SLIT3: variants seen among roughly 807,000 people sequenced by gnomAD.
SLIT3 encodes the protein slit homolog 3 protein.
A neutral mutation model predicts 184.0 loss-of-function variants in SLIT3; 68 were observed. That is an observed-to-expected ratio of 0.37 (90% CI 0.30 to 0.45). SLIT3 has a LOEUF of 0.45. SLIT3 is among the 20% of genes least tolerant of loss of function. The pLI is 1.00. For synonymous variants in SLIT3, 831 were observed against 828.6 expected (o/e 1.00, Z -0.05); for missense variants, 1,707 against 2,026.0 (o/e 0.84, Z 3.02).
At chr5:168,792,559 G>A (rs1756414815) in intron 10 of SLIT3, among the ~76,000 whole-genome samples, 1 of 152,174 alleles carries the variant, frequency 6.6e-6, no homozygotes, top group Non-Finnish European at 1.5e-5. Context: ...GCAAATTCAA[G>A]TGCCTACAAA....
chr5:169,117,936 T>C (rs1165762045), intron 4 of SLIT3, among the ~76,000 whole-genome samples: 1 of 152,210 alleles, frequency 6.6e-6, no homozygotes, highest in East Asian at 1.9e-4. Context: ...GACGCTCTCA[T>C]ACAGGCCCAG....
At chr5:169,125,106 G>C (rs1761032013) in intron 4 of SLIT3, among the ~76,000 whole-genome samples, 1 of 152,028 alleles carries the variant, frequency 6.6e-6, no homozygotes, top group Admixed American at 6.5e-5. Flanking sequence ...ACAGTGCAGT[G>C]GCGCAATCTC....
chr5:168,949,073 G>A (rs1167059216), intron 4 of SLIT3, among the ~76,000 whole-genome samples: 1 of 152,200 alleles, frequency 6.6e-6, no homozygotes, highest in Non-Finnish European at 1.5e-5. Context: ...TGGGGCATAT[G>A]AGCATCTGTA....
chr5:168,967,031 GA>G (rs929524565), intron 4 of SLIT3, among the ~76,000 whole-genome samples: 1 of 152,134 alleles, frequency 6.6e-6, no homozygotes, highest in African/African-American at 2.4e-5. Context: ...TTGGATGATG[GA>G]AAAAATTGAA....
chr5:169,235,980 C>T (rs949009823), intron 3 of SLIT3, among the ~76,000 whole-genome samples: 16 of 152,152 alleles, frequency 1.1e-4, no homozygotes, highest in Admixed American at 1.3e-4. Flanking sequence ...AGAACTCTTT[C>T]GAAGGAAGTG....
intron 5 of SLIT3, among the ~76,000 whole-genome samples, chr5:168,845,330 A>G (rs138779706): frequency 5.3e-5 from 8 of 152,266 alleles, no homozygotes; most frequent in African/African-American, 1.7e-4. Context: ...TTTCTGACTA[A>G]ATACAGATTC....
At chr5:169,181,944 C>T (rs532603566) in intron 4 of SLIT3, among the ~76,000 whole-genome samples, 2 of 152,074 alleles carry the variant, frequency 1.3e-5, no homozygotes, top group Non-Finnish European at 2.9e-5. Context: ...TCTGGAGAAA[C>T]GTTGGCATGA....
In SLIT3 at chr5:169,244,761, G is replaced by T. The variant is rs1309417620; in HGVS notation, c.285C>A (p.Asn95Lys). Residue 95 changes from asparagine (N) to lysine (K), a missense_variant, in exon 3 of 36, where the codon AAC (asparagine) becomes AAA (lysine). Asn to Lys is a moderately conservative substitution (Grantham distance 94). Around this residue, in one of 3 missense-constraint regions of SLIT3, gnomAD observed 1,307 missense variants for 1,511.6 expected, o/e 0.86. Coordinates refer to ENST00000519560, the MANE Select transcript of SLIT3 (RefSeq NM_003062.4). ...CGCCTCTCTCGATGACGCTGACCTG[G>T]TTGTCTTCCAGATGCCTACAACCAC... ...KNLRVLHLED[N>K]QVSVIERGAF... The T allele has an allele frequency of 6.2e-7, 1 of 1,613,822 alleles. No homozygotes were observed. Among genetic ancestry groups the T allele is most frequent in the Admixed American group, 1.7e-5 (1 of 60,014 alleles).
chr5:168,988,255 A>T (rs1402417878), intron 4 of SLIT3, among the ~76,000 whole-genome samples: 1 of 152,226 alleles, frequency 6.6e-6, no homozygotes, highest in East Asian at 1.9e-4. Context: ...GCTCTAGGGC[A>T]TCTCTGCTAC....
At chr5:169,000,772 A>C (rs1755677424) in intron 4 of SLIT3, among the ~76,000 whole-genome samples, 1 of 152,240 alleles carries the variant, frequency 6.6e-6, no homozygotes, top group South Asian at 2.1e-4. Flanking sequence ...CTGAGCATAC[A>C]GTAAGCATCT....
chr5:169,040,879 G>A (rs1384653889), intron 4 of SLIT3, among the ~76,000 whole-genome samples: 1 of 152,200 alleles, frequency 6.6e-6, no homozygotes, highest in East Asian at 1.9e-4. Flanking sequence ...ATCTTTCTTA[G>A]AGCTGGCTCA....
chr5:168,788,766 C>A (rs1254716424), intron 11 of SLIT3, among the ~76,000 whole-genome samples: 2 of 151,782 alleles, frequency 1.3e-5, no homozygotes, highest in Non-Finnish European at 2.9e-5. Flanking sequence ...GTGGTGAGGA[C>A]TAAACTTGAC....
chr5:169,235,345 T>G (rs1239272158), intron 3 of SLIT3, among the ~76,000 whole-genome samples: 1 of 152,194 alleles, frequency 6.6e-6, no homozygotes, highest in Non-Finnish European at 1.5e-5. Flanking sequence ...AAACATTTAT[T>G]TTGCTCGTAA....
intron 4 of SLIT3, among the ~76,000 whole-genome samples, chr5:168,895,620 C>T (rs1314345143): frequency 6.6e-6 from 1 of 152,192 alleles, no homozygotes; most frequent in East Asian, 1.9e-4. Flanking sequence ...TATATAGGAG[C>T]TTAAGCCATT....
intron 6 of SLIT3, among the ~76,000 whole-genome samples, chr5:168,823,953 A>G (rs1757619126): frequency 6.6e-6 from 1 of 152,028 alleles, no homozygotes; most frequent in African/African-American, 2.4e-5. Flanking sequence ...AGCACATCTA[A>G]TCTTTTTATT....
rs1167922748 is a variant in SLIT3, at chr5:168,913,573, G to A, written c.414-30237C>T. On this transcript the variant is annotated intron_variant, in intron 4 of 35. Coordinates refer to ENST00000519560, the MANE Select transcript of SLIT3 (RefSeq NM_003062.4). ...ACGTAAGGTCAGGAGTTCGAGACCA[G>A]CCTGGCCAACGTGGTAAAACCCTGT... Among the ~76,000 whole-genome samples the A allele has an allele frequency of 2.0e-5, 3 of 152,130 alleles. No homozygotes were observed. In the South Asian group the frequency reaches 6.2e-4, roughly 32 times the overall value.
chr5:168,981,675 C>CT (rs1754949907), intron 4 of SLIT3, among the ~76,000 whole-genome samples: 2 of 152,166 alleles, frequency 1.3e-5, no homozygotes, highest in Admixed American at 6.5e-5. Flanking sequence ...AACCATAAGT[C>CT]TTAATTTCTT....
chr5:168,678,929 G>A (rs1294447797), intron 32 of SLIT3, among the ~76,000 whole-genome samples: 1 of 152,156 alleles, frequency 6.6e-6, no homozygotes. Context: ...TTATCTACTG[G>A]GCCAGACTGA....
intron 4 of SLIT3, among the ~76,000 whole-genome samples, chr5:168,897,647 T>TGCATACACACACACACACACACACAC (rs3223457): frequency 7.1e-6 from 1 of 141,414 alleles, no homozygotes; most frequent in Non-Finnish European, 1.5e-5. Context: ...CAGGTGCACG[T>TGCATACACACACACACACACACACAC]ACACACACAC....
Sources: allele counts gnomAD v4.1 joint callset (sites outside exome capture counted in the v4.1 genomes callset), GRCh38; gene constraint gnomAD v4.1.1; regional missense constraint gnomAD v4.1.1; transcripts MANE v1.5; gene names NCBI Gene and HGNC (gene_info 2026-07-23, HGNC 2026-07-21).